The following SPATA6 variants were observed in gnomAD, a reference collection of about 807,000 sequenced individuals.
SPATA6 encodes the protein spermatogenesis-associated protein 6.
SPATA6 carries 56 observed loss-of-function variants against 65.3 expected under a neutral mutation model. The ratio of observed to expected loss-of-function variants is 0.86; its 90% confidence interval spans 0.69 to 1.07. The LOEUF (loss-of-function observed/expected upper bound fraction) is 1.07. SPATA6 is among the 50% of genes least tolerant of loss of function. SPATA6 has a pLI of 0.00. For synonymous variants in SPATA6, 199 were observed against 213.2 expected (o/e 0.93, Z 0.58); for missense variants, 590 against 594.8 (o/e 0.99, Z 0.08).
intron 8 of SPATA6, among the ~76,000 whole-genome samples, chr1:48,386,364 C>G (rs555687517): frequency 6.6e-6 from 1 of 152,340 alleles, no homozygotes; most frequent in East Asian, 1.9e-4. Flanking sequence ...CTTATAATAT[C>G]TGTTACACTG....
intron 11 of SPATA6, among the ~76,000 whole-genome samples, chr1:48,340,097 TAATAG>T (rs939399420): frequency 4.0e-5 from 6 of 151,566 alleles, no homozygotes; most frequent in Admixed American, 1.3e-4. Context: ...AGATATCAGA[TAATAG>T]AATAGTGCCT....
chr1:48,427,956 C>T (rs922201803), intron 3 of SPATA6, among the ~76,000 whole-genome samples: 1 of 152,068 alleles, frequency 6.6e-6, no homozygotes, highest in African/African-American at 2.4e-5. Flanking sequence ...TGTTTAGCTC[C>T]TACTTGTAAG....
intron 11 of SPATA6, among the ~76,000 whole-genome samples, chr1:48,328,701 T>C (rs866529559): frequency 1.3e-5 from 2 of 152,168 alleles, no homozygotes; most frequent in South Asian, 4.1e-4. Context: ...TTTTTGAGTA[T>C]AGTAAAAGCC....
Position 48,350,831 on chromosome 1 carries a change from C to G in SPATA6, c.1194+4839G>C, listed in dbSNP as rs78691245. Among the ~76,000 whole-genome samples, 1,305 of 151,928 alleles carry G rather than the reference C, an allele frequency of 8.6e-3. 22 individuals are homozygous for G. The highest frequency in any genetic ancestry group is 0.03 in the African/African-American group (1,264 of 41,510). ...GTGAGTCCTCCAGCTTTGTTTGTTT[C>G]AGATCGTTTTGATTTTTCAAGTTTC... On this transcript the variant is annotated intron_variant, in intron 11 of 12. Coordinates refer to ENST00000371847, the MANE Select transcript of SPATA6 (RefSeq NM_019073.4).
intron 11 of SPATA6, among the ~76,000 whole-genome samples, chr1:48,317,687 A>C (rs796856994): frequency 4.3e-4 from 66 of 152,254 alleles, no homozygotes; most frequent in African/African-American, 1.6e-3. Context: ...AAAAAATAAA[A>C]AACTTAACAC....
chr1:48,352,219 A>T (rs531465426), intron 11 of SPATA6, among the ~76,000 whole-genome samples: 89 of 152,172 alleles, frequency 5.8e-4, no homozygotes, highest in Non-Finnish European at 1.1e-3. Context: ...CATGAGACTT[A>T]TTCACTATCA....
intron 3 of SPATA6, among the ~76,000 whole-genome samples, chr1:48,427,751 G>A (rs1653977044): frequency 6.6e-6 from 1 of 152,234 alleles, no homozygotes; most frequent in East Asian, 1.9e-4. Flanking sequence ...TACATGTGCA[G>A]GTTTGTTACA....
At chr1:48,341,126 A>T (rs997520027) in intron 11 of SPATA6, among the ~76,000 whole-genome samples, 5 of 152,174 alleles carry the variant, frequency 3.3e-5, no homozygotes, top group Non-Finnish European at 7.4e-5. Flanking sequence ...AGAATTCTTA[A>T]ACACTGATAC....
rs1184574155 is a variant in SPATA6, at chr1:48,471,200, A to G, written c.51+758T>C. ...TTCTCTGCCCCAGCTGGACTTCCAC[A>G]GGAGGATGGAGGAAAGCATCCTCTT... On this transcript the variant is annotated intron_variant, in intron 1 of 12. Coordinates refer to ENST00000371847, the MANE Select transcript of SPATA6 (RefSeq NM_019073.4). Among the ~76,000 whole-genome samples the G allele has an allele frequency of 2.0e-5, 3 of 152,228 alleles. No homozygotes were observed. The East Asian group carries it at 5.8e-4, about 29-fold the overall frequency.
intron 12 of SPATA6, among the ~76,000 whole-genome samples, chr1:48,301,557 A>C (rs1644939759): frequency 6.6e-6 from 1 of 151,890 alleles, no homozygotes; most frequent in Non-Finnish European, 1.5e-5. Flanking sequence ...AAAAAAAAAA[A>C]CTAGAATAGC....
chr1:48,307,443 G>GGACC (rs1265436476), intron 11 of SPATA6, among the ~76,000 whole-genome samples: 2 of 148,430 alleles, frequency 1.3e-5, no homozygotes. Flanking sequence ...ATCTATACAA[G>GGACC]GACCCATCTT....
chr1:48,348,974 T>C (rs1201701528), intron 11 of SPATA6, among the ~76,000 whole-genome samples: 1 of 152,004 alleles, frequency 6.6e-6, no homozygotes, highest in Non-Finnish European at 1.5e-5. Flanking sequence ...TTTTCAGTAT[T>C]GCTAATCCAT....
intron 8 of SPATA6, among the ~76,000 whole-genome samples, chr1:48,394,489 G>T (rs1258876891): frequency 1.3e-5 from 2 of 151,934 alleles, no homozygotes; most frequent in Admixed American, 6.6e-5. Context: ...TAAAAGACCT[G>T]TTGATTATCA....
intron 11 of SPATA6, chr1:48,325,420 T>C: frequency 7.6e-7 from 1 of 1,321,546 alleles, no homozygotes; most frequent in East Asian, 2.3e-5. Context: ...TCCCCCAGCT[T>C]CTTCTTGACT....
chr1:48,318,593 C>G (rs1645508042), intron 11 of SPATA6, among the ~76,000 whole-genome samples: 1 of 151,972 alleles, frequency 6.6e-6, no homozygotes, highest in South Asian at 2.1e-4. Flanking sequence ...GAACACTGAA[C>G]TATAAAACAT....
Position 48,453,083 on chromosome 1 carries a change from T to C in SPATA6, c.100A>G (p.Ser34Gly). ...TTGTATTGGCCAAACACACAGATGC[T>C]AAGATAGATGTCCTCTTTGTCTTTA... ...VLKDKEDIYLSICVFGQYKKT... is the reference protein window; with the variant it reads ...VLKDKEDIYLGICVFGQYKKT... Residue 34 changes from serine to glycine, a missense_variant, in exon 2 of 13, where the codon AGC becomes GGC. By Grantham distance (56) the Ser-to-Gly change is moderately conservative. Transcript: ENST00000371847. 6.2e-7 allele frequency: 1 copy of C among 1,613,994 alleles called. No homozygotes were observed. The highest frequency in any genetic ancestry group is 8.5e-7 in the Non-Finnish European group (1 of 1,179,986).
At chr1:48,424,427 A>G (rs532743030) in intron 3 of SPATA6, among the ~76,000 whole-genome samples, 1 of 152,322 alleles carries the variant, frequency 6.6e-6, no homozygotes, top group South Asian at 2.1e-4. Flanking sequence ...TAGCTACTGT[A>G]AACAGTGCTG....
At chr1:48,357,238 C>A (rs935956164) in intron 10 of SPATA6, among the ~76,000 whole-genome samples, 1 of 152,032 alleles carries the variant, frequency 6.6e-6, no homozygotes, top group South Asian at 2.1e-4. Context: ...AAAGCTCACA[C>A]AAATTTTATA....
intron 1 of SPATA6, among the ~76,000 whole-genome samples, chr1:48,454,855 T>A (rs1412548021): frequency 6.6e-6 from 1 of 152,224 alleles, no homozygotes; most frequent in Non-Finnish European, 1.5e-5. Context: ...ACAGCAGTGC[T>A]TGACAGAACA....
Sources: allele counts gnomAD v4.1 joint callset (sites outside exome capture counted in the v4.1 genomes callset), GRCh38; gene constraint gnomAD v4.1.1; transcripts MANE v1.5; gene names NCBI Gene and HGNC (gene_info 2026-07-23, HGNC 2026-07-21).